CYFIP1: variants seen among roughly 807,000 people sequenced by gnomAD.
The protein encoded by CYFIP1 is cytoplasmic FMR1-interacting protein 1.
CYFIP1 carries 58 observed loss-of-function variants against 163.5 expected under a neutral mutation model. The observed-to-expected ratio is 0.35, with a 90% confidence interval of 0.29 to 0.44. The LOEUF (loss-of-function observed/expected upper bound fraction) is 0.44, where lower values mean the gene tolerates loss of function less well. CYFIP1 is among the 20% of genes least tolerant of loss of function. The pLI is 1.00. For synonymous variants in CYFIP1, 663 were observed against 660.7 expected (o/e 1.00, Z -0.05); for missense variants, 1,338 against 1,653.8 (o/e 0.81, Z 3.31).
intron 1 of CYFIP1, among the ~76,000 whole-genome samples, chr15:22,953,924 CG>C (rs2062349357): frequency 2.0e-5 from 3 of 152,200 alleles, no homozygotes; most frequent in Non-Finnish European, 4.4e-5. Flanking sequence ...GGCGTGGTGG[CG>C]GGCGCCTGTA....
chr15:22,917,630 G>T lies in CYFIP1; in HGVS notation c.1674+158C>A. 1.1e-6 allele frequency: 1 copy of T among 893,118 alleles called. No homozygotes were observed. Among genetic ancestry groups the T allele is most frequent in the Non-Finnish European group, 1.6e-6 (1 of 615,660 alleles). 55.3% of individuals were successfully genotyped at this position (893,118 alleles called of 1,614,324 possible). A position where few individuals can be genotyped will look rare whatever the true frequency, so the allele number is the denominator to read the frequency against. On this transcript the variant is annotated intron_variant, in intron 15 of 30. Coordinates refer to ENST00000617928, the MANE Select transcript of CYFIP1 (RefSeq NM_014608.6). This position sits in a 1 kb window ranked among gnomAD's most constrained non-coding sequence, Gnocchi z 4.2. ...CTCACGCTCCCAACTCACTTGGGTG[G>T]GAAACAGAGGAGCAGCAGAAACCAC...
chr15:22,957,562 G>A (rs2062516193), intron 1 of CYFIP1, among the ~76,000 whole-genome samples: 1 of 152,186 alleles, frequency 6.6e-6, no homozygotes, highest in Non-Finnish European at 1.5e-5. Flanking sequence ...CGTGAACCCA[G>A]GAGGCGGAGC....
At chr15:22,966,926 T>C (rs1050872730) in intron 1 of CYFIP1, among the ~76,000 whole-genome samples, 10 of 151,788 alleles carry the variant, frequency 6.6e-5, no homozygotes, top group African/African-American at 2.2e-4. Context: ...CAGCTTTACG[T>C]TGATGAACAC....
chr15:22,963,956 C>G (rs1457689350), intron 1 of CYFIP1, among the ~76,000 whole-genome samples: 2 of 151,990 alleles, frequency 1.3e-5, no homozygotes, highest in Non-Finnish European at 2.9e-5. Flanking sequence ...TGCAAAAGAG[C>G]TGGGTTTTGT....
Position 22,903,051 on chromosome 15 carries a change from C to T in CYFIP1, c.2588+655G>A, listed in dbSNP as rs569149064. 2.6e-5 allele frequency among the ~76,000 whole-genome samples: 4 copies of T among 152,344 alleles called. No individual in the cohort carries two copies. The South Asian group carries it at 6.2e-4, about 24-fold the overall frequency. ...TGCTCCTAACACTCGCATGTGCACA[C>T]ACCTGCACTCCTCTACGTCTGGATG... On this transcript the variant is annotated intron_variant, in intron 22 of 30. Coordinates refer to ENST00000617928, the MANE Select transcript of CYFIP1 (RefSeq NM_014608.6).
Position 22,883,748 on chromosome 15 carries a change from T to C in CYFIP1, c.2677-737A>G, listed in dbSNP as rs531508580. Among the ~76,000 whole-genome samples the C allele has an allele frequency of 2.8e-4, 39 of 139,302 alleles. 1 individual carries two copies. In the Admixed American group the frequency reaches 2.9e-3, roughly 11 times the overall value. The allele number at this position is 139,302 out of a possible 152,430, so 91.4% of individuals were successfully genotyped here. A position where few individuals can be genotyped will look rare whatever the true frequency, so the allele number is the denominator to read the frequency against. ...AGGAGAATGGCATGAACCTGGGATG[T>C]GGAGCTTGCAGTGAGCCGAGATCGC... On this transcript the variant is annotated intron_variant, in intron 23 of 30. Coordinates refer to ENST00000617928, the MANE Select transcript of CYFIP1 (RefSeq NM_014608.6).
At chr15:22,951,763 G>C (rs2062257052) in intron 1 of CYFIP1, among the ~76,000 whole-genome samples, 1 of 152,208 alleles carries the variant, frequency 6.6e-6, no homozygotes, top group African/African-American at 2.4e-5. Flanking sequence ...CTCTGCCCAG[G>C]AGAGGCCAAG....
chr15:22,905,083 C>T (rs557552062), intron 21 of CYFIP1: 72 of 152,276 alleles, frequency 4.7e-4, no homozygotes, highest in African/African-American at 1.7e-3. Context: ...GATTTTCCTT[C>T]CCTGCCTGCC....
intron 22 of CYFIP1, among the ~76,000 whole-genome samples, chr15:22,893,954 A>G (rs1275770851): frequency 1.3e-5 from 2 of 152,008 alleles, no homozygotes; most frequent in African/African-American, 4.8e-5. Flanking sequence ...TGTTCTTAAC[A>G]CCCGTTCCAG....
At chr15:22,894,438 T>A (rs973231970) in intron 22 of CYFIP1, among the ~76,000 whole-genome samples, 2 of 151,588 alleles carry the variant, frequency 1.3e-5, no homozygotes, top group Non-Finnish European at 2.9e-5. Flanking sequence ...TACAGGCATG[T>A]GCCACCAACG....
chr15:22,917,911 G>A lies in CYFIP1; in HGVS notation c.1551C>T (p.Thr517=), dbSNP rs751438422. ...CATGCCCCGTCTCCCAGTCACACAC[G>A]GTCTTCCTGATGGCCTGCAGGACAC... ...IQSVLQAIRK[T]VCDWETGHEP... The change falls in exon 15 of 31, where the codon ACC becomes ACT. Residue 517 remains threonine, a synonymous_variant. Coordinates refer to ENST00000617928, the MANE Select transcript of CYFIP1 (RefSeq NM_014608.6). The surrounding 1 kb of genome is among the most constrained non-coding windows in gnomAD (Gnocchi z 4.2). 41 of 1,613,578 alleles carry A rather than the reference G, an allele frequency of 2.5e-5. No individual in the cohort carries two copies. In the East Asian group the frequency reaches 6.5e-4, roughly 25 times the overall value.
In CYFIP1 at chr15:22,933,184, G is replaced by A. The variant is rs1220491186; in HGVS notation, c.992+618C>T. Among the ~76,000 whole-genome samples, 6 of 151,722 alleles carry A rather than the reference G, an allele frequency of 4.0e-5. No homozygotes were observed. In the East Asian group the frequency reaches 1.2e-3, roughly 29 times the overall value. ...TTTTAAACATAAAGACTATCACCCAGCACTGTCCAATAGGAATCCCTAGGA... is the reference window on the plus strand; with the variant it reads ...TTTTAAACATAAAGACTATCACCCAACACTGTCCAATAGGAATCCCTAGGA... On this transcript the variant is annotated intron_variant, in intron 10 of 30. Transcript: ENST00000617928.
At chr15:22,960,217 G>C (rs61072064) in intron 1 of CYFIP1, among the ~76,000 whole-genome samples, 38,373 of 152,042 alleles carry the variant, frequency 0.25, 5,353 homozygotes, top group African/African-American at 0.36. Context: ...CACCTCACTC[G>C]CCAATCTCTA....
chr15:22,980,122 G>A lies in CYFIP1; in HGVS notation c.-7+165C>T, dbSNP rs1456204098. On this transcript the variant is annotated intron_variant, in intron 1 of 30. Transcript: ENST00000617928. ...CGGGACCTGGGGGACGCGGGGACCAGGACGATCCCGGAGGCCGCGCCGCCG... is the reference window on the plus strand; with the variant it reads ...CGGGACCTGGGGGACGCGGGGACCAAGACGATCCCGGAGGCCGCGCCGCCG... Among the ~76,000 whole-genome samples the A allele has an allele frequency of 5.0e-5, 7 of 140,848 alleles. No individual in the cohort carries two copies. In the South Asian group the frequency reaches 1.2e-3, roughly 24 times the overall value. 92.4% of individuals were successfully genotyped at this position (140,848 alleles called of 152,430 possible).
chr15:22,977,527 T>G (rs189995385), intron 1 of CYFIP1, among the ~76,000 whole-genome samples: 36 of 152,280 alleles, frequency 2.4e-4, no homozygotes, highest in Middle Eastern at 3.4e-3. Context: ...TAGTTAAAAC[T>G]TCACACTATA....
At chr15:22,928,581 G>A (rs557341987) in intron 11 of CYFIP1, among the ~76,000 whole-genome samples, 1 of 152,154 alleles carries the variant, frequency 6.6e-6, no homozygotes, top group East Asian at 1.9e-4. Flanking sequence ...GCTGTTACAC[G>A]CGTGGGCTTG....
At chr15:22,875,705 G>A (rs116969463) in intron 26 of CYFIP1, among the ~76,000 whole-genome samples, 2,856 of 151,780 alleles carry the variant, frequency 0.019, 38 homozygotes, top group Non-Finnish European at 0.024. Flanking sequence ...AGGAAGGGGC[G>A]TCTCCTGCAA....
Position 22,903,779 on chromosome 15 carries a change from T to A in CYFIP1, c.2515A>T (p.Ile839Phe). The A allele has an allele frequency of 6.2e-7, 1 of 1,614,136 alleles. No individual in the cohort carries two copies. The highest frequency in any genetic ancestry group is 8.5e-7 in the Non-Finnish European group (1 of 1,180,018). The change falls in exon 22 of 31, where the codon ATC becomes TTC. Residue 839 changes from isoleucine to phenylalanine, a missense_variant. Coordinates refer to ENST00000617928, the MANE Select transcript of CYFIP1 (RefSeq NM_014608.6). The stretch of plus-strand genomic sequence containing the variant: ...AGCTCCCAGAAGACGTGCAGGGTGA[T>A]CCTCCCGTAGGGCGCTGACACGTTG... ...NHNVSAPYGR[I>F]TLHVFWELNY...
In CYFIP1 at chr15:22,910,639, A is replaced by AG; in HGVS notation, c.2160-12dup. 6.2e-7 allele frequency: 1 copy of AG among 1,612,882 alleles called. No individual in the cohort carries two copies. The highest frequency in any genetic ancestry group is 8.5e-7 in the Non-Finnish European group (1 of 1,178,814). ...TTATCAAGAAGCAAACTAGTGTAGA[A>AG]GGAAGACAGAAAGTTTTTCATACGC... is the stretch of plus-strand genomic sequence containing the variant. On this transcript the variant is annotated splice_polypyrimidine_tract_variant and intron_variant, in intron 19 of 30. Coordinates refer to ENST00000617928, the MANE Select transcript of CYFIP1 (RefSeq NM_014608.6).
Sources: gnomAD v4.1 joint callset for allele counts (sites outside exome capture counted in the v4.1 genomes callset) on GRCh38, gnomAD v4.1.1 for gene constraint, Gnocchi (gnomAD v3.1) non-coding constraint, MANE v1.5 for transcripts, NCBI Gene and HGNC (gene_info 2026-07-23, HGNC 2026-07-21) for gene names.